The following HECW1 variants were observed in gnomAD, a reference collection of about 807,000 sequenced individuals.
HECW1 encodes HECT, C2 and WW domain containing E3 ubiquitin protein ligase 1, also known as E3 ubiquitin-protein ligase HECW1.
HECW1 carries 61 observed loss-of-function variants against 182.3 expected under a neutral mutation model. The observed-to-expected ratio is 0.33, with a 90% CI of 0.27 to 0.41. The LOEUF (loss-of-function observed/expected upper bound fraction) is 0.41. Among genes scored for constraint, HECW1 ranks in the 10% least tolerant of loss-of-function variants. HECW1 has a pLI of 1.00. For missense variants in HECW1, 1,739 were observed against 2,108.9 expected, an observed-to-expected ratio of 0.82 and a Z score of 3.44; for synonymous variants, 859 against 832.6, an observed-to-expected ratio of 1.03 and a Z score of -0.55.
chr7:43,282,254 C>T (rs1804011022), intron 3 of HECW1, among the ~76,000 whole-genome samples: 1 of 152,166 alleles, frequency 6.6e-6, no homozygotes, highest in Non-Finnish European at 1.5e-5. Context: ...CTTTAATGAA[C>T]AGAGCAGGAG....
intron 2 of HECW1, among the ~76,000 whole-genome samples, chr7:43,132,540 CTCTT>C (rs1787071331): frequency 6.6e-6 from 1 of 152,100 alleles, no homozygotes; most frequent in Admixed American, 6.5e-5. Flanking sequence ...CTCTCTTTCT[CTCTT>C]TCTCTCTCTC....
chr7:43,273,857 C>CTT lies in HECW1; in HGVS notation c.27+29938_27+29939dup, dbSNP rs60032315. Among the ~76,000 whole-genome samples the CTT allele has an allele frequency of 1.7e-3, 239 of 141,412 alleles. 1 individual carries two copies. Among genetic ancestry groups the CTT allele is most frequent in the Middle Eastern group, 7.6e-3 (2 of 264 alleles). 92.8% of individuals were successfully genotyped at this position (141,412 alleles called of 152,430 possible). On this transcript the variant is annotated intron_variant, in intron 3 of 29. Coordinates refer to ENST00000395891, the MANE Select transcript of HECW1 (RefSeq NM_015052.5). ...ATGACAGAAGTTGTAAAATATGATTCTTTTTTTTTTTTTTGAGATGGAGTC... is the reference window on the plus strand; with the variant it reads ...ATGACAGAAGTTGTAAAATATGATTCTTTTTTTTTTTTTTTTGAGATGGAGTC...
At chr7:43,516,628 T>A (rs1322363375) in intron 24 of HECW1, among the ~76,000 whole-genome samples, 1 of 152,160 alleles carries the variant, frequency 6.6e-6, no homozygotes, top group Non-Finnish European at 1.5e-5. Context: ...CCTTCTCTAT[T>A]CCTAGGAAGA....
At chr7:43,303,660 T>C (rs999293194) in intron 3 of HECW1, among the ~76,000 whole-genome samples, 1 of 152,192 alleles carries the variant, frequency 6.6e-6, no homozygotes, top group Admixed American at 6.5e-5. Context: ...TGTGATATTC[T>C]TCCACACAAT....
intron 5 of HECW1, among the ~76,000 whole-genome samples, chr7:43,327,619 C>T (rs915610937): frequency 6.6e-6 from 1 of 152,162 alleles, no homozygotes; most frequent in Non-Finnish European, 1.5e-5. Context: ...GTCTTCCCTT[C>T]GTTATTTCCT....
intron 24 of HECW1, among the ~76,000 whole-genome samples, chr7:43,521,599 G>C (rs1450375261): frequency 1.3e-5 from 2 of 152,150 alleles, no homozygotes; most frequent in African/African-American, 4.8e-5. Context: ...ACCTTGGCTG[G>C]GCAAGGAAAG....
chr7:43,186,668 CAA>C lies in HECW1; in HGVS notation c.-31-57188_-31-57187del, dbSNP rs112678392. On this transcript the variant is annotated intron_variant, in intron 2 of 29. Transcript: ENST00000395891. Reference sequence around the variant, plus strand: ...TGGGTGACAGAGCGAGACTCCGTCTCAAAAAAAAAAAAAAAAAAAAGGATTAT... The same window carrying C: ...TGGGTGACAGAGCGAGACTCCGTCTCAAAAAAAAAAAAAAAAAAGGATTAT... 4.0e-3 allele frequency among the ~76,000 whole-genome samples: 373 copies of C among 93,530 alleles called. 2 individuals are homozygous for C. The highest frequency in any genetic ancestry group is 0.013 in the African/African-American group (333 of 25,968). 61.4% of individuals were successfully genotyped at this position (93,530 alleles called of 152,430 possible). A position where few individuals can be genotyped will look rare whatever the true frequency, so the allele number is the denominator to read the frequency against.
At chr7:43,157,866 A>G (rs1790062696) in intron 2 of HECW1, among the ~76,000 whole-genome samples, 1 of 152,192 alleles carries the variant, frequency 6.6e-6, no homozygotes, top group Non-Finnish European at 1.5e-5. Context: ...CAGCCAATAC[A>G]TTATTTTCAA....
At chr7:43,148,557 G>A (rs1360370145) in intron 2 of HECW1, 2 of 151,838 alleles carry the variant, frequency 1.3e-5, no homozygotes, top group African/African-American at 2.4e-5. Flanking sequence ...GGTTCAGAGA[G>A]GTTAAGTAGC....
intron 2 of HECW1, among the ~76,000 whole-genome samples, chr7:43,212,339 A>G (rs1049139996): frequency 1.3e-5 from 2 of 152,240 alleles, no homozygotes; most frequent in Admixed American, 1.3e-4. Context: ...CTTATAAAAC[A>G]TTCAATAATT....
intron 7 of HECW1, among the ~76,000 whole-genome samples, chr7:43,402,530 G>C (rs930103652): frequency 6.6e-6 from 1 of 152,182 alleles, no homozygotes; most frequent in African/African-American, 2.4e-5. Flanking sequence ...GGGAAGGCAA[G>C]AGGAACACCC....
intron 10 of HECW1, among the ~76,000 whole-genome samples, chr7:43,443,341 C>A (rs1364610139): frequency 6.6e-6 from 1 of 152,238 alleles, no homozygotes; most frequent in Non-Finnish European, 1.5e-5. Flanking sequence ...TCATTAAACT[C>A]CAGGTCTACT....
chr7:43,214,554 T>A (rs1796280225), intron 2 of HECW1, among the ~76,000 whole-genome samples: 1 of 152,208 alleles, frequency 6.6e-6, no homozygotes, highest in African/African-American at 2.4e-5. Context: ...CCCCTGCCCC[T>A]GTTTTGTTTG....
chr7:43,443,522 C>A (rs1382118316), intron 10 of HECW1, among the ~76,000 whole-genome samples: 1 of 152,212 alleles, frequency 6.6e-6, no homozygotes, highest in Non-Finnish European at 1.5e-5. Flanking sequence ...GTGACTTGCA[C>A]TAATGCATTT....
At chr7:43,264,073 T>TA (rs1470436892) in intron 3 of HECW1, among the ~76,000 whole-genome samples, 2 of 152,218 alleles carry the variant, frequency 1.3e-5, no homozygotes, top group Non-Finnish European at 2.9e-5. Flanking sequence ...TATCCATCCT[T>TA]ACATAGTTAT....
At chr7:43,188,430 A>G (rs577536389) in intron 2 of HECW1, among the ~76,000 whole-genome samples, 33 of 152,172 alleles carry the variant, frequency 2.2e-4, no homozygotes, top group Admixed American at 1.4e-3. Flanking sequence ...CAAGCACACC[A>G]TCTACACGAA....
At chr7:43,433,433 A>G (rs1314013601) in intron 8 of HECW1, among the ~76,000 whole-genome samples, 1 of 152,202 alleles carries the variant, frequency 6.6e-6, no homozygotes, top group Non-Finnish European at 1.5e-5. Flanking sequence ...GGACCCAGTA[A>G]TGGGTACTAT....
intron 2 of HECW1, among the ~76,000 whole-genome samples, chr7:43,238,579 G>A (rs549845544): frequency 5.3e-5 from 8 of 152,352 alleles, no homozygotes; most frequent in African/African-American, 1.4e-4. Flanking sequence ...GTTAGGGAAC[G>A]TGGAAGTTTA....
In HECW1 at chr7:43,500,832, C is replaced by G. The variant is rs753737832; in HGVS notation, c.3521+50C>G. The G allele has an allele frequency of 2.8e-6, 4 of 1,448,562 alleles. No individual in the cohort carries two copies. In the Admixed American group the frequency reaches 6.7e-5, roughly 24 times the overall value. The allele number at this position is 1,448,562 out of a possible 1,614,324, so 89.7% of individuals were successfully genotyped here. ...TCTGGAAAAGCTTCCCTGGGCAGCT[C>G]TCCTCCATCACGGCCACCCTGAAAA... is the stretch of plus-strand genomic sequence containing the variant. On this transcript the variant is annotated intron_variant, in intron 20 of 29. Transcript: ENST00000395891.
Sources: allele counts gnomAD v4.1 joint callset (sites outside exome capture counted in the v4.1 genomes callset), GRCh38; gene constraint gnomAD v4.1.1; transcripts MANE v1.5; gene names NCBI Gene and HGNC (gene_info 2026-07-23, HGNC 2026-07-21).